The following PCDHGB3 variants were observed in gnomAD, a reference collection of about 807,000 sequenced individuals.
The protein encoded by PCDHGB3 is protocadherin gamma subfamily B, 3.
PCDHGB3 carries 40 observed loss-of-function variants against 59.2 expected under a neutral mutation model. The ratio of observed to expected loss-of-function variants is 0.68; its 90% CI spans 0.52 to 0.88. The LOEUF is 0.88. PCDHGB3 is among the 40% of genes least tolerant of loss of function. The pLI, the probability that PCDHGB3 is intolerant of heterozygous loss-of-function variation, is 0.00. For missense variants in PCDHGB3, 1,309 were observed against 1,187.9 expected, an observed-to-expected ratio of 1.10 and a Z score of -1.50; for synonymous variants, 581 against 503.6, an observed-to-expected ratio of 1.15 and a Z score of -2.06.
chr5:141,414,415 C>A (rs769791452), intron 1 of PCDHGB3: 1 of 1,613,876 alleles, frequency 6.2e-7, no homozygotes, highest in Admixed American at 1.7e-5. Context: ...ACACAGAGCC[C>A]TTGACAGGGA....
At chr5:141,428,489 T>C (rs2097142285) in intron 1 of PCDHGB3, 1 of 312,516 alleles carries the variant, frequency 3.2e-6, no homozygotes. Context: ...TCCTGCAATC[T>C]GTATGTTCCC....
chr5:141,382,072 G>T (rs901840757), intron 1 of PCDHGB3, among the ~76,000 whole-genome samples: 2 of 151,786 alleles, frequency 1.3e-5, no homozygotes, highest in Non-Finnish European at 2.9e-5. Context: ...CAGGTGATCC[G>T]CCCGCCTCGG....
In PCDHGB3 at chr5:141,485,956, C is replaced by T. The variant is rs1430530851; in HGVS notation, c.2416-8851C>T. 1 of 1,614,150 alleles carries T rather than the reference C, an allele frequency of 6.2e-7. No individual in the cohort carries two copies. Among genetic ancestry groups the T allele is most frequent in the South Asian group, 1.1e-5 (1 of 91,074 alleles). ...AGAGCGCACCAGCGGGCATGGTGCT[C>T]ATCCAGCTCAATGCCTCAGACCCGG... On this transcript the variant is annotated intron_variant, in intron 1 of 3. Coordinates refer to ENST00000576222, the MANE Select transcript of PCDHGB3 (RefSeq NM_018924.5). This position sits in a 1 kb window ranked among gnomAD's most constrained non-coding sequence, Gnocchi z 5.7.
intron 1 of PCDHGB3, chr5:141,427,539 A>G: frequency 1.6e-6 from 1 of 632,868 alleles, no homozygotes; most frequent in Non-Finnish European, 2.9e-6. Context: ...GTACAACGTC[A>G]CCATCACTGC....
Position 141,370,421 on chromosome 5 carries a change from C to T in PCDHGB3, c.27C>T (p.Gly9=). 1 of 1,580,640 alleles carries T rather than the reference C, an allele frequency of 6.3e-7. No individual in the cohort carries two copies. MGNSSGWR[G]PAGQRRMLFL... ...TGGGAAATAGCTCCGGATGGAGGGG[C>T]CCAGCAGGGCAGAGGCGAATGCTAT... The change falls in exon 1 of 4, where the codon GGC becomes GGT. Residue 9 remains glycine (G), a synonymous_variant. Coordinates refer to ENST00000576222, the MANE Select transcript of PCDHGB3 (RefSeq NM_018924.5).
chr5:141,373,138 T>G (rs1047353742), intron 1 of PCDHGB3, among the ~76,000 whole-genome samples: 9 of 152,246 alleles, frequency 5.9e-5, no homozygotes, highest in African/African-American at 2.2e-4. Flanking sequence ...TCCTCACAAT[T>G]AAGTGGTTTA....
In PCDHGB3 at chr5:141,485,869, G is replaced by A; in HGVS notation, c.2416-8938G>A. On this transcript the variant is annotated intron_variant, in intron 1 of 3. Coordinates refer to ENST00000576222, the MANE Select transcript of PCDHGB3 (RefSeq NM_018924.5). The surrounding 1 kb of genome is among the most constrained non-coding windows in gnomAD (Gnocchi z 5.7). ...GCACCGCAGAGCTCCGGGTATCCGT[G>A]CTGGACGTAAACGACAACGCCCCAG... is the stretch of plus-strand genomic sequence containing the variant. 1 of 1,614,176 alleles carries A rather than the reference G, an allele frequency of 6.2e-7. No individual in the cohort carries two copies. The highest frequency in any genetic ancestry group is 8.5e-7 in the Non-Finnish European group (1 of 1,180,040).
chr5:141,378,321 G>C (rs1295221856), intron 1 of PCDHGB3: 1 of 152,218 alleles, frequency 6.6e-6, no homozygotes, highest in African/African-American at 2.4e-5. Context: ...TCAGGAGTTC[G>C]AGACCAGCCT....
At chr5:141,383,846 A>C (rs745543311) in intron 1 of PCDHGB3, 1 of 1,613,960 alleles carries the variant, frequency 6.2e-7, no homozygotes, top group Admixed American at 1.7e-5. Context: ...GCCTTCTATG[A>C]AATGGAGGTT....
chr5:141,419,317 T>C, intron 1 of PCDHGB3: 1 of 1,613,952 alleles, frequency 6.2e-7, no homozygotes, highest in Non-Finnish European at 8.5e-7. Flanking sequence ...TCAACGGCCG[T>C]GTCTCCTACT....
chr5:141,379,890 T>A (rs1002813574), intron 1 of PCDHGB3, among the ~76,000 whole-genome samples: 1 of 25,360 alleles, frequency 3.9e-5, no homozygotes, highest in East Asian at 2.2e-3. Context: ...TGAAAGCCTC[T>A]TTTTTTTTTT....
chr5:141,449,724 A>AT (rs911465424), intron 1 of PCDHGB3, among the ~76,000 whole-genome samples: 1 of 151,176 alleles, frequency 6.6e-6, no homozygotes, highest in African/African-American at 2.4e-5. Context: ...ATATGATATG[A>AT]TTTTTTTATG....
chr5:141,419,579 C>G (rs759041306), intron 1 of PCDHGB3: 11 of 1,611,812 alleles, frequency 6.8e-6, no homozygotes, highest in Non-Finnish European at 9.3e-6. Flanking sequence ...CGGCTCCGCG[C>G]TCTTCGACAC....
intron 1 of PCDHGB3, chr5:141,421,708 C>T (rs2096594348): frequency 1.9e-6 from 3 of 1,613,780 alleles, no homozygotes; most frequent in South Asian, 2.2e-5. Flanking sequence ...TGCTAGGGAT[C>T]CAGATGTGGG....
At chr5:141,444,299 G>A (rs1017908182) in intron 1 of PCDHGB3, among the ~76,000 whole-genome samples, 20 of 150,672 alleles carry the variant, frequency 1.3e-4, no homozygotes, top group Non-Finnish European at 2.7e-4. Context: ...AGCCTCCCTA[G>A]TAGCTAGGAT....
At chr5:141,408,917 C>G in intron 1 of PCDHGB3, 1 of 1,613,366 alleles carries the variant, frequency 6.2e-7, no homozygotes, top group South Asian at 1.1e-5. Flanking sequence ...CAATGATAAC[C>G]CCCCGGTTTT....
intron 1 of PCDHGB3, among the ~76,000 whole-genome samples, chr5:141,456,052 C>T (rs2098841739): frequency 1.3e-5 from 2 of 151,970 alleles, no homozygotes; most frequent in South Asian, 4.1e-4. Flanking sequence ...CGCCCACCAC[C>T]ACGTCCGGCT....
intron 1 of PCDHGB3, chr5:141,441,726 C>A: frequency 2.8e-6 from 1 of 353,524 alleles, no homozygotes; most frequent in Non-Finnish European, 5.6e-6. Flanking sequence ...GGCCCGCGAC[C>A]AGGACTAGCT....
In PCDHGB3 at chr5:141,370,818, ATCAGCGAACTGGCTC is replaced by A. The variant is rs758994219; in HGVS notation, c.428_442del (p.Ser143_Leu147del). The A allele has an allele frequency of 6.2e-7, 1 of 1,614,074 alleles. No homozygotes were observed. Among genetic ancestry groups the A allele is most frequent in the South Asian group, 1.1e-5 (1 of 91,088 alleles). On this transcript the variant is annotated inframe_deletion, in exon 1 of 4. Transcript: ENST00000576222. ...TAGCCAAAATATCACTGAGCTGGAA[ATCAGCGAACTGGCTC>A]TCACTGGAGCCACATTTGCCCTGGA... is the stretch of plus-strand genomic sequence containing the variant.
Sources: gnomAD v4.1 joint callset for allele counts (sites outside exome capture counted in the v4.1 genomes callset) on GRCh38, gnomAD v4.1.1 for gene constraint, Gnocchi (gnomAD v3.1) non-coding constraint, MANE v1.5 for transcripts, NCBI Gene and HGNC (gene_info 2026-07-23, HGNC 2026-07-21) for gene names.